CCDC33: variants seen among roughly 807,000 people sequenced by gnomAD.
The protein encoded by CCDC33 is coiled-coil domain containing 33, also known as coiled-coil domain-containing protein 33.
A neutral mutation model predicts 91.9 loss-of-function variants in CCDC33; 94 were observed. That is an observed-to-expected ratio of 1.02 (90% confidence interval 0.87 to 1.21). The LOEUF (loss-of-function observed/expected upper bound fraction) is 1.21. CCDC33 is among the 50% of genes most tolerant of loss of function. The probability of loss-of-function intolerance (pLI) is 0.00; values close to 1 mark genes in which losing one functional copy is unlikely to be tolerated. For synonymous variants in CCDC33, 396 were observed against 374.5 expected (o/e 1.06, Z -0.66); for missense variants, 940 against 935.5 (o/e 1.00, Z -0.06).
chr15:74,221,242 T>C, intron 2 of CCDC33: 1 of 744,030 alleles, frequency 1.3e-6, no homozygotes, highest in Non-Finnish European at 1.6e-6. Flanking sequence ...TTTTTTTTTT[T>C]TCACCAGAAC....
At chr15:74,298,678 T>A (rs2059734612) in intron 11 of CCDC33, among the ~76,000 whole-genome samples, 1 of 151,218 alleles carries the variant, frequency 6.6e-6, no homozygotes, top group Admixed American at 6.6e-5. Flanking sequence ...TAGCTGGGAT[T>A]ACAGGCATTC....
chr15:74,332,933 C>A, intron 16 of CCDC33, 88 bp downstream of exon 16: 1 of 1,490,974 alleles, frequency 6.7e-7, no homozygotes, highest in South Asian at 1.3e-5. Context: ...AAGATCAAGA[C>A]CAGGAGCTAA....
intron 10 of CCDC33, among the ~76,000 whole-genome samples, chr15:74,287,091 A>AT (rs958981660): frequency 1.6e-4 from 25 of 152,234 alleles, no homozygotes; most frequent in African/African-American, 4.8e-4. Flanking sequence ...ATTTTTATGG[A>AT]TTTTTTGTAA....
At chr15:74,256,797 G>A (rs759716110) in intron 2 of CCDC33, among the ~76,000 whole-genome samples, 39 of 152,302 alleles carry the variant, frequency 2.6e-4, no homozygotes, top group Non-Finnish European at 4.4e-4. Flanking sequence ...CCAGAACACC[G>A]GCACTTAAGC....
rs183985874 is a variant in CCDC33 at position 74,226,632 on chromosome 15, G to A, written c.675+7771G>A. Among the ~76,000 whole-genome samples, 11 of 152,212 alleles carry A rather than the reference G, an allele frequency of 7.2e-5. No homozygotes were observed. In the East Asian group the frequency reaches 2.1e-3, roughly 29 times the overall value. The stretch of plus-strand genomic sequence containing the variant: ...TCACAAGGTCAAGAGTTCCAGACCA[G>A]CCTGACCAACATGGTGAAACCCCGT... On this transcript the variant is annotated intron_variant, in intron 2 of 2. Coordinates refer to the CCDC33 transcript ENST00000635913.
intron 7 of CCDC33, among the ~76,000 whole-genome samples, chr15:74,278,922 G>A (rs142904580): frequency 6.6e-6 from 1 of 152,234 alleles, no homozygotes; most frequent in African/African-American, 2.4e-5. Context: ...GGCACACGGA[G>A]CCTCTGTAGT....
chr15:74,255,307 C>T (rs542945156), intron 2 of CCDC33, among the ~76,000 whole-genome samples: 9 of 152,348 alleles, frequency 5.9e-5, no homozygotes, highest in Admixed American at 2.6e-4. Flanking sequence ...ACACAGTCAG[C>T]AGCGGTGAGC....
chr15:74,268,324 C>G lies in CCDC33; in HGVS notation c.430-18C>G. ...CACTCTCCTTCCTCTGTGTCTTCTG[C>G]CCCAACCCTGTCTCCAGCCCACTGA... On this transcript the variant is annotated intron_variant, in intron 4 of 18. Transcript: ENST00000398814. 3 of 1,586,152 alleles carry G rather than the reference C, an allele frequency of 1.9e-6. No homozygotes were observed. Among genetic ancestry groups the G allele is most frequent in the Non-Finnish European group, 2.6e-6 (3 of 1,154,952 alleles).
chr15:74,285,353 A>G (rs926938366), intron 10 of CCDC33, among the ~76,000 whole-genome samples: 1 of 152,154 alleles, frequency 6.6e-6, no homozygotes, highest in Non-Finnish European at 1.5e-5. Flanking sequence ...ATAGGCAGAG[A>G]CAGCAGTGGC....
chr15:74,210,777 G>C (rs1164005305), intron 2 of CCDC33, among the ~76,000 whole-genome samples: 1 of 152,116 alleles, frequency 6.6e-6, no homozygotes, highest in Non-Finnish European at 1.5e-5. Flanking sequence ...CCTTAGACTA[G>C]GTATTGGCCA....
At chr15:74,331,352 C>A in intron 15 of CCDC33, 56 bp downstream of exon 15, 1 of 1,561,034 alleles carries the variant, frequency 6.4e-7, no homozygotes, top group Non-Finnish European at 8.8e-7. Context: ...CCCCTGGAGG[C>A]CCTGCCTTCC....
At chr15:74,281,666 C>T in intron 9 of CCDC33, 112 bp from the exon 10 acceptor site, 1 of 966,102 alleles carries the variant, frequency 1.0e-6, no homozygotes, top group Non-Finnish European at 1.6e-6. Context: ...CTCCCACCCT[C>T]CTGGGTGCAG....
At chr15:74,333,431 A>G in intron 16 of CCDC33, 2 of 846,250 alleles carry the variant, frequency 2.4e-6, no homozygotes, top group Admixed American at 2.1e-5. Flanking sequence ...GGAATCACAG[A>G]ATATTGGGCA....
chr15:74,279,811 A>T, intron 7 of CCDC33, 152 bp from the exon 8 acceptor site: 2 of 1,018,246 alleles, frequency 2.0e-6, no homozygotes, highest in Non-Finnish European at 2.8e-6. Flanking sequence ...TGCTGGAATT[A>T]CAGGCGTGAG....
rs749487025 is a variant in CCDC33 at position 74,334,958 on chromosome 15, CCTCT to C, written c.2026-14_2026-11del. 1 of 1,593,138 alleles carries C rather than the reference CCTCT, an allele frequency of 6.3e-7. No homozygotes were observed. Among genetic ancestry groups the C allele is most frequent in the Non-Finnish European group, 8.6e-7 (1 of 1,160,962 alleles). On this transcript the variant is annotated splice_polypyrimidine_tract_variant and intron_variant, in intron 17 of 18. Transcript: ENST00000398814. The stretch of plus-strand genomic sequence containing the variant: ...TGCTGCCCATGGTCCTCCAATTGTC[CCTCT>C]CTGTGTCTGCAGTTAGAGGACTCAG...
chr15:74,280,826 C>T, intron 9 of CCDC33, 25 bp downstream of exon 9: 1 of 1,446,646 alleles, frequency 6.9e-7, no homozygotes, highest in Non-Finnish European at 9.1e-7. Flanking sequence ...CTGAACTGGG[C>T]CCCTAGCGTG....
chr15:74,283,937 G>T (rs753601659), intron 10 of CCDC33, among the ~76,000 whole-genome samples: 2 of 152,072 alleles, frequency 1.3e-5, no homozygotes, highest in African/African-American at 2.4e-5. Context: ...ATATGTACAC[G>T]CTCTCACATA....
chr15:74,208,132 GAGC>G, intron 1 of CCDC33: 1 of 992,842 alleles, frequency 1.0e-6, no homozygotes, highest in Non-Finnish European at 1.3e-6. Flanking sequence ...TGTGCCAGGG[GAGC>G]AGCATGTTCT....
At chr15:74,271,194 C>T (rs547056892) in intron 5 of CCDC33, among the ~76,000 whole-genome samples, 2 of 152,188 alleles carry the variant, frequency 1.3e-5, no homozygotes, top group South Asian at 2.1e-4. Flanking sequence ...TCAGCATGGT[C>T]GGAGAAACCA....
Sources: allele counts gnomAD v4.1 joint callset (sites outside exome capture counted in the v4.1 genomes callset), GRCh38; gene constraint gnomAD v4.1.1; transcripts MANE v1.5; gene names NCBI Gene and HGNC (gene_info 2026-07-23, HGNC 2026-07-21).